Variants in SOX5 observed in about 807,000 individuals in gnomAD.
The protein encoded by SOX5 is transcription factor SOX-5.
In SOX5, 9 loss-of-function variants were observed where a neutral mutation model predicts 92.0. The ratio of observed to expected loss-of-function variants is 0.10; its 90% CI spans 0.06 to 0.17. SOX5 has a LOEUF of 0.17. Among genes scored for constraint, SOX5 ranks in the 10% least tolerant of loss-of-function variants. The probability of loss-of-function intolerance (pLI) is 1.00; values close to 1 mark genes in which losing one functional copy is unlikely to be tolerated. For synonymous variants in SOX5, 344 were observed against 336.3 expected (o/e 1.02, Z -0.25); for missense variants, 642 against 944.5 (o/e 0.68, Z 4.20).
chr12:24,328,853 C>G (rs1950988790), intron 2 of SOX5, among the ~76,000 whole-genome samples: 1 of 152,102 alleles, frequency 6.6e-6, no homozygotes, highest in Non-Finnish European at 1.5e-5. Flanking sequence ...TGGTCTAAAA[C>G]CTTAAACCAG....
chr12:24,155,462 A>G (rs1952069869), intron 4 of SOX5, among the ~76,000 whole-genome samples: 1 of 152,072 alleles, frequency 6.6e-6, no homozygotes, highest in African/African-American at 2.4e-5. Flanking sequence ...AGTTATTTTA[A>G]AACTCAAAGT....
At chr12:24,044,442 T>C (rs1322602087) in intron 4 of SOX5, among the ~76,000 whole-genome samples, 3 of 152,206 alleles carry the variant, frequency 2.0e-5, no homozygotes, top group Non-Finnish European at 2.9e-5. Context: ...TTAAGACTTT[T>C]ATGCTTCTTA....
intron 1 of SOX5, among the ~76,000 whole-genome samples, chr12:23,932,665 T>C (rs1008490814): frequency 1.3e-5 from 2 of 151,662 alleles, no homozygotes; most frequent in Non-Finnish European, 3.0e-5. Flanking sequence ...ACATTTGTTT[T>C]TTATTTTTTT....
chr12:24,170,174 C>T (rs1428039583), intron 4 of SOX5, among the ~76,000 whole-genome samples: 4 of 134,572 alleles, frequency 3.0e-5, no homozygotes, highest in African/African-American at 5.3e-5. Context: ...GGTTTCACAG[C>T]GTTCAGGAGG....
chr12:24,394,123 G>A (rs1320224679), intron 1 of SOX5, among the ~76,000 whole-genome samples: 1 of 152,092 alleles, frequency 6.6e-6, no homozygotes, highest in Non-Finnish European at 1.5e-5. Flanking sequence ...TCATCAGAGT[G>A]GGTTTTATCA....
intron 2 of SOX5, among the ~76,000 whole-genome samples, chr12:24,317,811 C>T (rs1284062236): frequency 6.6e-6 from 1 of 152,214 alleles, no homozygotes; most frequent in Non-Finnish European, 1.5e-5. Context: ...TTTGTTAACA[C>T]TCTCAATGCT....
intron 1 of SOX5, among the ~76,000 whole-genome samples, chr12:24,427,730 G>T (rs565241385): frequency 3.9e-5 from 6 of 152,280 alleles, no homozygotes; most frequent in Middle Eastern, 6.8e-3. Context: ...CAAAATATAT[G>T]AGGTGTGAAT....
chr12:23,699,203 T>A (rs965489344), intron 6 of SOX5, among the ~76,000 whole-genome samples: 4 of 152,192 alleles, frequency 2.6e-5, no homozygotes, highest in African/African-American at 9.6e-5. Context: ...CCCTGAACCT[T>A]GATGTTTGTT....
chr12:24,104,395 A>T (rs1946434736), intron 4 of SOX5, among the ~76,000 whole-genome samples: 1 of 152,214 alleles, frequency 6.6e-6, no homozygotes, highest in African/African-American at 2.4e-5. Flanking sequence ...TATAATCTAG[A>T]GGTAACTTCT....
chr12:23,593,599 TAG>T (rs1363617433), intron 9 of SOX5, among the ~76,000 whole-genome samples: 5 of 152,202 alleles, frequency 3.3e-5, no homozygotes, highest in African/African-American at 1.2e-4. Flanking sequence ...ACTGATGTAT[TAG>T]ATCTTTGTAT....
rs766575358 is a variant in SOX5 at position 23,846,196 on chromosome 12, G to A, written c.271-3C>T. ...ATAACTTTATTGCCATCAACTTCCT[G>A]AAAGAGAAAGCAAAATGACAAATAA... On this transcript the variant is annotated splice_region_variant and splice_polypyrimidine_tract_variant and intron_variant, in intron 2 of 14. Coordinates refer to ENST00000451604, the MANE Select transcript of SOX5 (RefSeq NM_006940.6). 17 of 1,607,196 alleles carry A rather than the reference G, an allele frequency of 1.1e-5. No individual in the cohort carries two copies. In the East Asian group the frequency reaches 3.6e-4, roughly 34 times the overall value.
intron 6 of SOX5, among the ~76,000 whole-genome samples, chr12:23,702,147 C>T (rs1408002301): frequency 6.6e-6 from 1 of 152,012 alleles, no homozygotes; most frequent in South Asian, 2.1e-4. Flanking sequence ...TGTCTCTAAC[C>T]ATTTTTTATT....
At chr12:24,375,160 A>G (rs1258179635) in intron 1 of SOX5, among the ~76,000 whole-genome samples, 6 of 151,544 alleles carry the variant, frequency 4.0e-5, no homozygotes, top group Non-Finnish European at 7.4e-5. Context: ...TTTTTAGTAG[A>G]GACGGGGTTT....
At chr12:23,862,543 C>G (rs2096767298) in intron 2 of SOX5, among the ~76,000 whole-genome samples, 1 of 152,152 alleles carries the variant, frequency 6.6e-6, no homozygotes, top group Admixed American at 6.5e-5. Context: ...ACTAATAAAT[C>G]CACTTATGTT....
intron 1 of SOX5, among the ~76,000 whole-genome samples, chr12:23,897,155 T>C (rs1236066584): frequency 1.3e-5 from 2 of 152,154 alleles, no homozygotes; most frequent in Non-Finnish European, 2.9e-5. Flanking sequence ...TTCATTCTTA[T>C]TCTAGACCAG....
chr12:24,478,377 T>G (rs913234374), intron 1 of SOX5, among the ~76,000 whole-genome samples: 2 of 152,226 alleles, frequency 1.3e-5, no homozygotes, highest in Admixed American at 1.3e-4. Context: ...GAGACAAAAG[T>G]GCTGTCCTAT....
At chr12:23,762,697 C>A in intron 3 of SOX5, 1 of 443,818 alleles carries the variant, frequency 2.3e-6, no homozygotes, top group Non-Finnish European at 4.0e-6. Flanking sequence ...ATACTTAAAT[C>A]ATTAGTCATA....
intron 4 of SOX5, among the ~76,000 whole-genome samples, chr12:24,207,280 T>C (rs1958119799): frequency 6.6e-6 from 1 of 152,192 alleles, no homozygotes; most frequent in South Asian, 2.1e-4. Flanking sequence ...TAGTCTGAGA[T>C]GTAAATGGCA....
intron 1 of SOX5, among the ~76,000 whole-genome samples, chr12:24,534,947 G>A (rs1951509122): frequency 6.6e-6 from 1 of 152,244 alleles, no homozygotes; most frequent in South Asian, 2.1e-4. Context: ...AAATGTCGAA[G>A]TGAGAACTGG....
Sources: gnomAD v4.1 joint callset for allele counts (sites outside exome capture counted in the v4.1 genomes callset) on GRCh38, gnomAD v4.1.1 for gene constraint, MANE v1.5 for transcripts, NCBI Gene and HGNC (gene_info 2026-07-23, HGNC 2026-07-21) for gene names.